The following EPHA6 variants were observed in gnomAD, a reference collection of about 807,000 sequenced individuals.
EPHA6 encodes ephrin type-A receptor 6.
EPHA6 carries 50 observed loss-of-function variants against 112.0 expected under a neutral mutation model. The ratio of observed to expected loss-of-function variants is 0.45; its 90% CI spans 0.36 to 0.56. EPHA6 has a LOEUF of 0.56. Among genes scored for constraint, EPHA6 ranks in the 20% least tolerant of loss-of-function variants. The probability of loss-of-function intolerance (pLI) is 0.00; values close to 1 mark genes in which losing one functional copy is unlikely to be tolerated. For missense variants in EPHA6, 1,280 were observed against 1,417.4 expected (o/e 0.90, Z 1.56); for synonymous variants, 529 against 490.7 (o/e 1.08, Z -1.03).
intron 5 of EPHA6, among the ~76,000 whole-genome samples, chr3:97,276,143 T>C (rs946429126): frequency 1.6e-4 from 24 of 152,004 alleles, no homozygotes; most frequent in African/African-American, 5.6e-4. Flanking sequence ...TCTGTATTGA[T>C]TAAGAAGGTG....
intron 11 of EPHA6, among the ~76,000 whole-genome samples, chr3:97,561,057 G>T (rs148613222): frequency 7.9e-5 from 12 of 152,020 alleles, no homozygotes; most frequent in Non-Finnish European, 1.3e-4. Flanking sequence ...GATCAATGTT[G>T]TGTGTTTTCT....
chr3:97,078,002 TCCAA>T (rs1180631369), intron 3 of EPHA6, among the ~76,000 whole-genome samples: 26 of 152,188 alleles, frequency 1.7e-4, no homozygotes, highest in Admixed American at 1.7e-3. Flanking sequence ...AAGTTTACAC[TCCAA>T]CCAACAGTGT....
chr3:97,656,749 T>C lies in EPHA6; in HGVS notation c.2784+18667T>C, dbSNP rs1316256896. 2.0e-5 allele frequency among the ~76,000 whole-genome samples: 3 copies of C among 151,838 alleles called. No individual in the cohort carries two copies. In the East Asian group the frequency reaches 5.8e-4, roughly 29 times the overall value. ...TGACTGCAAAGAGCTTTCCTCAAAC[T>C]CTCCCTTGGGCCTCTCTGTCTCTTC... On this transcript the variant is annotated intron_variant, in intron 14 of 17. Coordinates refer to ENST00000389672, the MANE Select transcript of EPHA6 (RefSeq NM_001080448.3).
At chr3:97,009,631 C>G (rs2044007576) in intron 3 of EPHA6, among the ~76,000 whole-genome samples, 2 of 152,362 alleles carry the variant, frequency 1.3e-5, no homozygotes, top group South Asian at 4.1e-4. Context: ...CTGGTTGCCC[C>G]TCCCCCAAGG....
At chr3:97,424,872 A>C (rs2088981139) in intron 6 of EPHA6, among the ~76,000 whole-genome samples, 1 of 152,152 alleles carries the variant, frequency 6.6e-6, no homozygotes, top group Non-Finnish European at 1.5e-5. Flanking sequence ...AGTGTTGGGT[A>C]AATACACCTG....
At chr3:97,178,794 G>T (rs1288426044) in intron 3 of EPHA6, among the ~76,000 whole-genome samples, 12 of 151,912 alleles carry the variant, frequency 7.9e-5, no homozygotes. Context: ...TTTGATCTTT[G>T]AGAGTTTGAT....
chr3:97,021,116 C>G (rs2044442872), intron 3 of EPHA6, among the ~76,000 whole-genome samples: 1 of 152,160 alleles, frequency 6.6e-6, no homozygotes, highest in Non-Finnish European at 1.5e-5. Context: ...AATTCATCAG[C>G]AAGTTTAAAA....
chr3:97,475,259 G>A (rs749128462), intron 7 of EPHA6, 93 bp from the exon 8 acceptor site: 8 of 899,014 alleles, frequency 8.9e-6, no homozygotes, highest in African/African-American at 3.4e-5. Flanking sequence ...CTTGGCATCC[G>A]TTATTGTATT....
intron 14 of EPHA6, among the ~76,000 whole-genome samples, chr3:97,695,289 A>G (rs2032958825): frequency 6.6e-6 from 1 of 152,224 alleles, no homozygotes; most frequent in African/African-American, 2.4e-5. Context: ...GTATATTAAA[A>G]TGTCCTTTGA....
chr3:97,129,029 A>G (rs2048262683), intron 3 of EPHA6, among the ~76,000 whole-genome samples: 1 of 151,810 alleles, frequency 6.6e-6, no homozygotes, highest in South Asian at 2.1e-4. Flanking sequence ...GTGCACCACC[A>G]CACCCAGCTT....
intron 3 of EPHA6, among the ~76,000 whole-genome samples, chr3:97,026,666 T>C (rs2044650491): frequency 6.6e-6 from 1 of 152,066 alleles, no homozygotes; most frequent in African/African-American, 2.4e-5. Flanking sequence ...AAGACATACA[T>C]GTGGCCAATA....
chr3:97,296,832 A>G (rs2080890634), intron 5 of EPHA6, among the ~76,000 whole-genome samples: 1 of 152,120 alleles, frequency 6.6e-6, no homozygotes, highest in Non-Finnish European at 1.5e-5. Flanking sequence ...GGTTCAGGAC[A>G]CTGTATGCTA....
intron 3 of EPHA6, among the ~76,000 whole-genome samples, chr3:97,089,731 A>T (rs971773725): frequency 2.6e-5 from 4 of 152,138 alleles, no homozygotes; most frequent in African/African-American, 9.6e-5. Context: ...TTCACAGCAG[A>T]GCCAGCTTTC....
intron 5 of EPHA6, among the ~76,000 whole-genome samples, chr3:97,361,442 C>G (rs113154369): frequency 6.6e-6 from 1 of 152,130 alleles, no homozygotes; most frequent in Admixed American, 6.6e-5. Context: ...TCATACAGTT[C>G]GGCTTGCGTC....
At chr3:96,944,774 T>C (rs1287503351) in intron 2 of EPHA6, among the ~76,000 whole-genome samples, 1 of 152,186 alleles carries the variant, frequency 6.6e-6, no homozygotes, top group Non-Finnish European at 1.5e-5. Context: ...ACCCCGTCTC[T>C]ACTAAAAATA....
chr3:97,129,214 G>A (rs2048267207), intron 3 of EPHA6, among the ~76,000 whole-genome samples: 2 of 152,040 alleles, frequency 1.3e-5, no homozygotes. Flanking sequence ...AGGTACAGTG[G>A]TGGGGCCAGG....
intron 2 of EPHA6, among the ~76,000 whole-genome samples, chr3:96,977,295 T>C (rs1559637816): frequency 6.6e-6 from 1 of 152,198 alleles, no homozygotes; most frequent in Admixed American, 6.5e-5. Context: ...TGTTCTCATT[T>C]ATAAGTGGGA....
chr3:97,595,902 CTTTT>C (rs1198606431), intron 12 of EPHA6, among the ~76,000 whole-genome samples: 3 of 115,028 alleles, frequency 2.6e-5, no homozygotes, highest in African/African-American at 7.4e-5. Flanking sequence ...GACATATTCT[CTTTT>C]TTTTTTTTTT....
intron 5 of EPHA6, among the ~76,000 whole-genome samples, chr3:97,250,738 A>C (rs183429227): frequency 1.2e-4 from 19 of 152,338 alleles, no homozygotes; most frequent in Admixed American, 1.2e-3. Flanking sequence ...TTGTTTGAAA[A>C]TGGATGCCAA....
Sources: allele counts gnomAD v4.1 joint callset (sites outside exome capture counted in the v4.1 genomes callset), GRCh38; gene constraint gnomAD v4.1.1; transcripts MANE v1.5; gene names NCBI Gene and HGNC (gene_info 2026-07-23, HGNC 2026-07-21).